Variants in ABCC3 observed in about 807,000 individuals in gnomAD.
ABCC3 encodes ATP-binding cassette sub-family C member 3.
In ABCC3, 121 loss-of-function variants were observed where a neutral mutation model predicts 165.3. The ratio of observed to expected loss-of-function variants is 0.73; its 90% confidence interval spans 0.63 to 0.85. ABCC3 has a LOEUF of 0.85. ABCC3 is among the 40% of genes least tolerant of loss of function. ABCC3 has a pLI of 0.00. For synonymous variants in ABCC3, 733 were observed against 810.1 expected (o/e 0.90, Z 1.62); for missense variants, 1,869 against 1,964.1 (o/e 0.95, Z 0.92).
At chr17:50,673,393 C>T in intron 18 of ABCC3, 76 bp from the exon 19 acceptor site, 1 of 1,540,642 alleles carries the variant, frequency 6.5e-7, no homozygotes, top group Non-Finnish European at 8.8e-7. Flanking sequence ...ACTTCACACT[C>T]ACTCTGTGGC....
Position 50,678,128 on chromosome 17 carries a change from G to A in ABCC3, c.3614G>A (p.Cys1205Tyr). The part of the protein sequence containing the change: ...LSIGVEFVGN[C>Y]VVLFAALFAV... Reference sequence around the variant, plus strand: ...ATCGGAGTGGAGTTCGTGGGGAACTGCGTGGTGCTCTTTGCTGCACTATTT... The same window carrying A: ...ATCGGAGTGGAGTTCGTGGGGAACTACGTGGTGCTCTTTGCTGCACTATTT... The change falls in exon 25 of 31, where the codon TGC becomes TAC. Residue 1205 changes from cysteine to tyrosine, a missense_variant. Transcript: ENST00000285238. 6.3e-7 allele frequency: 1 copy of A among 1,584,286 alleles called. No homozygotes were observed. Among genetic ancestry groups the A allele is most frequent in the Non-Finnish European group, 8.6e-7 (1 of 1,165,004 alleles).
At chr17:50,656,902 G>T in intron 3 of ABCC3, 75 bp downstream of exon 3, 1 of 1,551,612 alleles carries the variant, frequency 6.4e-7, no homozygotes. Context: ...GAAACTGTGG[G>T]CTCTGAGGAG....
At chr17:50,675,074 A>G (rs1429205762) in intron 19 of ABCC3, among the ~76,000 whole-genome samples, 1 of 152,166 alleles carries the variant, frequency 6.6e-6, no homozygotes, top group Non-Finnish European at 1.5e-5. Context: ...CTGGGATTAC[A>G]GGCGTGAGCC....
chr17:50,673,882 C>T (rs1967704750), intron 19 of ABCC3, among the ~76,000 whole-genome samples: 2 of 149,292 alleles, frequency 1.3e-5, no homozygotes. Flanking sequence ...AGATCCTCCG[C>T]CCCGGTCTCA....
chr17:50,670,438 A>G lies in ABCC3; in HGVS notation c.2241+910A>G, dbSNP rs112480084. Among the ~76,000 whole-genome samples the G allele has an allele frequency of 9.9e-5, 15 of 152,272 alleles. No individual in the cohort carries two copies. The South Asian group carries it at 3.1e-3, about 32-fold the overall frequency. On this transcript the variant is annotated intron_variant, in intron 17 of 30. Transcript: ENST00000285238. ...ACTGAGGAGGAGGAGCTCATCATGT[A>G]TCTGTTCATTCATTTACCATATATT... is the stretch of plus-strand genomic sequence containing the variant.
rs1024985310 is a variant in ABCC3, at chr17:50,659,487, G to T, written c.806+119G>T. The T allele has an allele frequency of 3.2e-6, 4 of 1,261,882 alleles. No individual in the cohort carries two copies. The African/African-American group carries it at 4.5e-5, about 14-fold the overall frequency. The allele number at this position is 1,261,882 out of a possible 1,614,324, so 78.2% of individuals were successfully genotyped here. ...GGGGTGGCAAGCAGAGCAGGACCAG[G>T]TGATTTCTTGGCAGCCTCGGGACCA... On this transcript the variant is annotated intron_variant, in intron 7 of 30. Transcript: ENST00000285238.
chr17:50,657,864 A>G (rs982025931), intron 4 of ABCC3, among the ~76,000 whole-genome samples: 1 of 152,174 alleles, frequency 6.6e-6, no homozygotes, highest in African/African-American at 2.4e-5. Flanking sequence ...AGGTGATGGC[A>G]CCACACCTGG....
In ABCC3 at chr17:50,669,063, G is replaced by C. The variant is rs1361880988; in HGVS notation, c.1938-77G>C. 5 of 1,592,888 alleles carry C rather than the reference G, an allele frequency of 3.1e-6. No individual in the cohort carries two copies. The East Asian group carries it at 1.1e-4, about 36-fold the overall frequency. On this transcript the variant is annotated intron_variant, in intron 15 of 30. Coordinates refer to ENST00000285238, the MANE Select transcript of ABCC3 (RefSeq NM_003786.4). ...GGGTGTCTGGAAGGGCGGAGGGCTT[G>C]GTTCTGCAGGTGGAGGGTTGGAGAC... is the stretch of plus-strand genomic sequence containing the variant.
chr17:50,640,820 C>T (rs1368635693), intron 1 of ABCC3, among the ~76,000 whole-genome samples: 1 of 152,200 alleles, frequency 6.6e-6, no homozygotes, highest in African/African-American at 2.4e-5. Flanking sequence ...TTTTTGACCC[C>T]TGCCCCCAGG....
At chr17:50,635,197 T>G in intron 1 of ABCC3, 1 of 626,232 alleles carries the variant, frequency 1.6e-6, no homozygotes, top group South Asian at 2.0e-5. Context: ...TGCCCTGCTC[T>G]GCCCTTCCCG....
chr17:50,667,445 C>A, intron 11 of ABCC3, 109 bp from the exon 12 acceptor site: 1 of 983,530 alleles, frequency 1.0e-6, no homozygotes. Flanking sequence ...GAATGGTGGG[C>A]AGCGTGGAAT....
At position 50,691,575 on chromosome 17, in the gene ABCC3, T is replaced by C. The variant is rs960695541; in HGVS notation, c.*375T>C. On this transcript the variant is annotated 3_prime_UTR_variant, in exon 31 of 31. Coordinates refer to ENST00000285238, the MANE Select transcript of ABCC3 (RefSeq NM_003786.4). The stretch of plus-strand genomic sequence containing the variant: ...TTCTGTTTTTTAATAAAAAGCTTTT[T>C]CCTCCTGGAACAGAAGACAGCTGCT... 4.4e-6 allele frequency: 1 copy of C among 225,804 alleles called. No individual in the cohort carries two copies. 14.0% of individuals were successfully genotyped at this position (225,804 alleles called of 1,614,324 possible). A position where few individuals can be genotyped will look rare whatever the true frequency, so the allele number is the denominator to read the frequency against.
At chr17:50,670,072 C>A (rs1039787812) in intron 17 of ABCC3, among the ~76,000 whole-genome samples, 3 of 151,682 alleles carry the variant, frequency 2.0e-5, no homozygotes, top group Admixed American at 6.6e-5. Flanking sequence ...TGAGCTGCTG[C>A]ACCTGGCTGA....
chr17:50,661,228 G>T, intron 8 of ABCC3, 114 bp downstream of exon 8: 2 of 1,139,180 alleles, frequency 1.8e-6, no homozygotes, highest in Non-Finnish European at 2.4e-6. Flanking sequence ...GAACCAGGGA[G>T]GCTAGCTCCA....
At chr17:50,661,594 G>A (rs1300525384) in intron 8 of ABCC3, among the ~76,000 whole-genome samples, 1 of 152,224 alleles carries the variant, frequency 6.6e-6, no homozygotes, top group African/African-American at 2.4e-5. Flanking sequence ...ATGAGAGGGT[G>A]GGAAGGAGAG....
intron 19 of ABCC3, among the ~76,000 whole-genome samples, chr17:50,674,030 CTCTCTCTTTCTTTCTTTCTTTCTT>C (rs1967744496): frequency 2.1e-4 from 1 of 4,682 alleles, no homozygotes; most frequent in African/African-American, 1.3e-3. Context: ...CTCTCTCTCT[CTCTCTCTTTCTTTCTTTCTTTCTT>C]TCTTTCTTTC....
At chr17:50,683,298 CAGG>C (rs757160603) in intron 26 of ABCC3, among the ~76,000 whole-genome samples, 38 of 150,146 alleles carry the variant, frequency 2.5e-4, no homozygotes, top group Non-Finnish European at 4.9e-4. Context: ...CGCTGGAACC[CAGG>C]AGTTCAAGGC....
At chr17:50,671,552 A>G (rs1382632222) in intron 17 of ABCC3, among the ~76,000 whole-genome samples, 1 of 152,048 alleles carries the variant, frequency 6.6e-6, no homozygotes, top group East Asian at 1.9e-4. Context: ...TATTTTGTAC[A>G]GTTACGGAGG....
At position 50,676,558 on chromosome 17, in the gene ABCC3, G is replaced by T. The variant is rs1240461426; in HGVS notation, c.3348G>T (p.Leu1116=). The T allele has an allele frequency of 2.5e-6, 4 of 1,609,222 alleles. No individual in the cohort carries two copies. Among genetic ancestry groups the T allele is most frequent in the Non-Finnish European group, 3.4e-6 (4 of 1,177,636 alleles). Residue 1116 remains leucine, a synonymous_variant, in exon 23 of 31, where the codon CTG becomes CTT. Coordinates refer to ENST00000285238, the MANE Select transcript of ABCC3 (RefSeq NM_003786.4). ...ASTPLFTVVI[L]PLAVLYTLVQ... ...CGCCGCTCTTCACTGTGGTCATCCT[G>T]CCCCTGGCTGTGCTCTACACCTTAG...
Sources: gnomAD v4.1 joint callset for allele counts (sites outside exome capture counted in the v4.1 genomes callset) on GRCh38, gnomAD v4.1.1 for gene constraint, MANE v1.5 for transcripts, NCBI Gene and HGNC (gene_info 2026-07-23, HGNC 2026-07-21) for gene names.